The following ERBB4 variants were observed in gnomAD, a reference collection of about 807,000 sequenced individuals.
ERBB4 encodes receptor tyrosine-protein kinase erbB-4.
Under a neutral mutation model 158.0 loss-of-function variants are expected in ERBB4, and 42 were observed. The observed-to-expected ratio is 0.27, with a 90% CI of 0.21 to 0.34. The LOEUF is 0.34. ERBB4 is among the 10% of genes least tolerant of loss of function. ERBB4 has a pLI of 1.00. For missense variants in ERBB4, 1,333 were observed against 1,624.1 expected (o/e 0.82, Z 3.08); for synonymous variants, 583 against 558.7 (o/e 1.04, Z -0.61).
intron 5 of ERBB4, among the ~76,000 whole-genome samples, chr2:211,744,317 A>C (rs2074895232): frequency 6.6e-6 from 1 of 152,228 alleles, no homozygotes; most frequent in Non-Finnish European, 1.5e-5. Context: ...ACTAACTTTT[A>C]CTAAAAATAT....
chr2:211,977,531 T>TA lies in ERBB4; in HGVS notation c.235-29916dup, dbSNP rs370595284. On this transcript the variant is annotated intron_variant, in intron 2 of 27. Transcript: ENST00000342788. ...CCTTACTTTGTTAAGATATTGACTTTAAAAAAAAAAAAAAAAAGTAACTTG... is the reference window on the plus strand; with the variant it reads ...CCTTACTTTGTTAAGATATTGACTTTAAAAAAAAAAAAAAAAAAGTAACTTG... Among the ~76,000 whole-genome samples the TA allele has an allele frequency of 1.5e-3, 102 of 67,620 alleles. 6 individuals carry two copies. Among genetic ancestry groups the TA allele is most frequent in the African/African-American group, 3.6e-3 (74 of 20,572 alleles). 44.4% of individuals were successfully genotyped at this position (67,620 alleles called of 152,430 possible).
chr2:212,446,577 C>CTATATATATA lies in ERBB4; in HGVS notation c.82+91871_82+91872insTATATATATA, dbSNP rs2092351589. ...ATGTAAGTTAATACTTAATAAACTCCCATATATATATATGTATATATATAT... is the reference window on the plus strand; with the variant it reads ...ATGTAAGTTAATACTTAATAAACTCCTATATATATACATATATATATATGTATATATATAT... On this transcript the variant is annotated intron_variant, in intron 1 of 27. Coordinates refer to ENST00000342788, the MANE Select transcript of ERBB4 (RefSeq NM_005235.3). Among the ~76,000 whole-genome samples, 9 of 36,054 alleles carry CTATATATATA rather than the reference C, an allele frequency of 2.5e-4. 1 individual carries two copies. The highest frequency in any genetic ancestry group is 4.0e-4 in the Admixed American group (1 of 2,484). The allele number at this position is 36,054 out of a possible 152,430, so 23.7% of individuals were successfully genotyped here.
intron 1 of ERBB4, among the ~76,000 whole-genome samples, chr2:212,188,697 C>T (rs936701190): frequency 3.3e-5 from 5 of 151,718 alleles, no homozygotes; most frequent in African/African-American, 7.3e-5. Context: ...AAGCTTTCTC[C>T]CTCTTCCTAC....
chr2:212,345,935 A>C (rs1040049381), intron 1 of ERBB4, among the ~76,000 whole-genome samples: 1 of 152,128 alleles, frequency 6.6e-6, no homozygotes, highest in African/African-American at 2.4e-5. Context: ...AAAGATAGAG[A>C]GATAAATACA....
At chr2:211,840,624 C>A (rs1020667022) in intron 3 of ERBB4, among the ~76,000 whole-genome samples, 1 of 152,060 alleles carries the variant, frequency 6.6e-6, no homozygotes, top group Non-Finnish European at 1.5e-5. Context: ...AAAAACAGCA[C>A]AAGAATGGCT....
At chr2:211,499,508 C>A (rs144292055) in intron 20 of ERBB4, among the ~76,000 whole-genome samples, 1 of 151,732 alleles carries the variant, frequency 6.6e-6, no homozygotes, top group Non-Finnish European at 1.5e-5. Context: ...GGCAACAGAG[C>A]GAGACTCTGT....
intron 1 of ERBB4, among the ~76,000 whole-genome samples, chr2:212,452,015 T>G (rs1403923490): frequency 1.3e-5 from 2 of 151,898 alleles, no homozygotes; most frequent in African/African-American, 2.4e-5. Context: ...GCAGGTTTTT[T>G]TTTTTTTTTT....
intron 1 of ERBB4, among the ~76,000 whole-genome samples, chr2:212,168,721 G>GA (rs1182308405): frequency 6.6e-6 from 1 of 152,104 alleles, no homozygotes; most frequent in African/African-American, 2.4e-5. Context: ...AGGATTTCAG[G>GA]AAAAATAGTG....
chr2:211,698,180 C>T (rs1278680214), intron 12 of ERBB4, among the ~76,000 whole-genome samples: 3 of 151,830 alleles, frequency 2.0e-5, no homozygotes, highest in Non-Finnish European at 2.9e-5. Flanking sequence ...GGCGTGGTGG[C>T]GCCTGCCTGT....
At position 211,381,648 on chromosome 2, in the gene ERBB4, C is replaced by CAGTT. The variant is rs2062575653; in HGVS notation, c.*1963_*1966dup. The stretch of plus-strand genomic sequence containing the variant: ...CAAAACATGGTGCTTTTAGTAGACA[C>CAGTT]AGTTAGATAAAGGAGGTTTGGATGG... On this transcript the variant is annotated 3_prime_UTR_variant, in exon 28 of 28. Transcript: ENST00000342788. 4.3e-6 allele frequency: 1 copy of CAGTT among 231,534 alleles called. No individual in the cohort carries two copies. The highest frequency in any genetic ancestry group is 8.5e-6 in the Non-Finnish European group (1 of 117,096). 14.3% of individuals were successfully genotyped at this position (231,534 alleles called of 1,614,324 possible).
intron 2 of ERBB4, among the ~76,000 whole-genome samples, chr2:212,036,000 T>C (rs1473203116): frequency 6.6e-6 from 1 of 152,212 alleles, no homozygotes; most frequent in Non-Finnish European, 1.5e-5. Flanking sequence ...TACATATAGG[T>C]AAACATTTAT....
intron 1 of ERBB4, among the ~76,000 whole-genome samples, chr2:212,257,758 G>A (rs1416741764): frequency 1.3e-5 from 2 of 151,996 alleles, no homozygotes; most frequent in Non-Finnish European, 2.9e-5. Flanking sequence ...TTTGTAATAT[G>A]TATATATTAT....
Position 212,345,922 on chromosome 2 carries a change from G to A in ERBB4, c.82+192527C>T, listed in dbSNP as rs115739997. On this transcript the variant is annotated intron_variant, in intron 1 of 27. Transcript: ENST00000342788. ...GTCAGAAAATATATTTGAATTCTCCGAAAAAGATAGAGAGATAAATACAAT... is the reference window on the plus strand; with the variant it reads ...GTCAGAAAATATATTTGAATTCTCCAAAAAAGATAGAGAGATAAATACAAT... 8.1e-3 allele frequency among the ~76,000 whole-genome samples: 1,235 copies of A among 152,020 alleles called. 11 individuals are homozygous for A. The highest frequency in any genetic ancestry group is 0.027 in the African/African-American group (1,125 of 41,484).
At chr2:211,641,065 C>T (rs912265145) in intron 16 of ERBB4, among the ~76,000 whole-genome samples, 11 of 152,068 alleles carry the variant, frequency 7.2e-5, no homozygotes, top group Admixed American at 2.0e-4. Flanking sequence ...AATTTCTTTA[C>T]ATATTTGTTA....
chr2:211,762,052 A>C (rs1028587763), intron 4 of ERBB4, among the ~76,000 whole-genome samples: 4 of 152,242 alleles, frequency 2.6e-5, no homozygotes, highest in Non-Finnish European at 5.9e-5. Context: ...TATCACATGC[A>C]AAGTACCTGG....
intron 1 of ERBB4, among the ~76,000 whole-genome samples, chr2:212,368,651 A>C (rs1394491189): frequency 6.6e-6 from 1 of 152,146 alleles, no homozygotes; most frequent in Non-Finnish European, 1.5e-5. Flanking sequence ...AGGCTGAGGA[A>C]GTCATTTAAT....
intron 3 of ERBB4, among the ~76,000 whole-genome samples, chr2:211,830,550 T>C (rs891401327): frequency 6.6e-6 from 1 of 152,198 alleles, no homozygotes; most frequent in South Asian, 2.1e-4. Flanking sequence ...GTTAACAATA[T>C]ATTTTTAGTT....
intron 2 of ERBB4, among the ~76,000 whole-genome samples, chr2:212,004,271 A>C (rs2076209186): frequency 6.6e-6 from 1 of 152,212 alleles, no homozygotes; most frequent in African/African-American, 2.4e-5. Context: ...TGAGACATCA[A>C]GTTGACTCCC....
chr2:212,227,335 T>C (rs1298009724), intron 1 of ERBB4, among the ~76,000 whole-genome samples: 1 of 151,612 alleles, frequency 6.6e-6, no homozygotes, highest in African/African-American at 2.4e-5. Flanking sequence ...GGAAGAATAA[T>C]CTCTACACAT....
Sources: allele counts gnomAD v4.1 joint callset (sites outside exome capture counted in the v4.1 genomes callset), GRCh38; gene constraint gnomAD v4.1.1; transcripts MANE v1.5; gene names NCBI Gene and HGNC (gene_info 2026-07-23, HGNC 2026-07-21).